The following UGT2B7 variants were observed in gnomAD, a reference collection of about 807,000 sequenced individuals.
The protein encoded by UGT2B7 is UDP-glucuronosyltransferase 2B7.
UGT2B7 carries 51 observed loss-of-function variants against 51.9 expected under a neutral mutation model. The ratio of observed to expected loss-of-function variants is 0.98; its 90% CI spans 0.78 to 1.24. UGT2B7 has a LOEUF of 1.24. Ranked by LOEUF, UGT2B7 falls within the 50% of genes most tolerant of loss-of-function variation. The pLI, the probability that UGT2B7 is intolerant of heterozygous loss-of-function variation, is 0.00. For synonymous variants in UGT2B7, 225 were observed against 211.6 expected (o/e 1.06, Z -0.55); for missense variants, 727 against 628.4 (o/e 1.16, Z -1.68).
upstream of UGT2B7, among the ~76,000 whole-genome samples, chr4:69,092,597 G>T (rs1282991248): frequency 6.6e-6 from 1 of 151,782 alleles, no homozygotes; most frequent in Non-Finnish European, 1.5e-5. Context: ...AATATAAAAA[G>T]TAAAATATAA....
intron 1 of UGT2B7, among the ~76,000 whole-genome samples, chr4:69,083,446 G>A (rs951307947): frequency 5.3e-5 from 8 of 151,908 alleles, no homozygotes; most frequent in African/African-American, 1.7e-4. Context: ...ATTCATAGGA[G>A]CAGGTCAACG....
chr4:69,096,561 T>G lies in UGT2B7; in HGVS notation c.41T>G (p.Leu14Arg). The change falls in exon 1 of 6, where the codon CTG becomes CGG. Residue 14 changes from leucine (L) to arginine (R), a missense_variant. By Grantham distance (102) the Leu-to-Arg change is moderately radical. Coordinates refer to ENST00000305231, the MANE Select transcript of UGT2B7 (RefSeq NM_001074.4). ...ACTTCAGTAATTTTGCTAATACAAC[T>G]GAGCTTTTGCTTTAGCTCTGGGAAT... ...KWTSVILLIQ[L>R]SFCFSSGNCG... The G allele has an allele frequency of 5.0e-6, 8 of 1,613,978 alleles. No individual in the cohort carries two copies. The highest frequency in any genetic ancestry group is 6.8e-6 in the Non-Finnish European group (8 of 1,179,876).
chr4:69,054,371 G>A (rs1376359625), intron 1 of UGT2B7, among the ~76,000 whole-genome samples: 2 of 152,128 alleles, frequency 1.3e-5, no homozygotes, highest in African/African-American at 4.8e-5. Flanking sequence ...ACCACAAGAA[G>A]CAGATAAGCT....
intron 1 of UGT2B7, among the ~76,000 whole-genome samples, chr4:69,059,298 T>A (rs1718287604): frequency 6.6e-6 from 1 of 152,172 alleles, no homozygotes; most frequent in Admixed American, 6.5e-5. Context: ...AAGAGGCCCA[T>A]CGGTTGGTCA....
At position 69,087,047 on chromosome 4, in the gene UGT2B7, G is replaced by A. The variant is rs142695452; in HGVS notation, c.-158-2425G>A. Among the ~76,000 whole-genome samples the A allele has an allele frequency of 1.5e-3, 213 of 142,628 alleles. 2 individuals are homozygous for A. The highest frequency in any genetic ancestry group is 5.1e-3 in the African/African-American group (197 of 38,718). 93.6% of individuals were successfully genotyped at this position (142,628 alleles called of 152,430 possible). A position where few individuals can be genotyped will look rare whatever the true frequency, so the allele number is the denominator to read the frequency against. On this transcript the variant is annotated intron_variant, in intron 1 of 5. Coordinates refer to the UGT2B7 transcript ENST00000502942. ...AGTTTCTGTATATCCTTTCTCTCTC[G>A]CTCTGTCTCTCTTTCTCTCTCTCTC...
At chr4:69,067,654 G>A (rs62296919) in intron 1 of UGT2B7, 28,399 of 153,630 alleles carry the variant, frequency 0.18, 2,962 homozygotes, top group Admixed American at 0.3. Flanking sequence ...CATAGCATGT[G>A]TTCATACTTT....
chr4:69,090,637 C>T (rs997044476), intron 2 of UGT2B7, among the ~76,000 whole-genome samples: 1 of 152,098 alleles, frequency 6.6e-6, no homozygotes, highest in Non-Finnish European at 1.5e-5. Flanking sequence ...TTACCTCCAT[C>T]AAGTCCCTCC....
upstream of UGT2B7, among the ~76,000 whole-genome samples, chr4:69,093,596 C>G (rs1719138357): frequency 6.6e-6 from 1 of 152,344 alleles, no homozygotes; most frequent in South Asian, 2.1e-4. Flanking sequence ...CATCACGTCT[C>G]TACACGTGCC....
At chr4:69,100,753 G>T (rs529264383) in intron 2 of UGT2B7, among the ~76,000 whole-genome samples, 1 of 152,176 alleles carries the variant, frequency 6.6e-6, no homozygotes, top group African/African-American at 2.4e-5. Flanking sequence ...CTTGCAGAAA[G>T]ATTTGAATGC....
intron 2 of UGT2B7, among the ~76,000 whole-genome samples, chr4:69,099,567 A>G (rs528830048): frequency 6.6e-6 from 1 of 152,168 alleles, no homozygotes; most frequent in South Asian, 2.1e-4. Flanking sequence ...CAGGTAGCAG[A>G]TGATGGAAAA....
chr4:69,055,534 C>A (rs1472059404), intron 1 of UGT2B7, among the ~76,000 whole-genome samples: 1 of 152,128 alleles, frequency 6.6e-6, no homozygotes, highest in African/African-American at 2.4e-5. Context: ...GAACACTATC[C>A]AGAACCAGTA....
intron 2 of UGT2B7, among the ~76,000 whole-genome samples, chr4:69,101,423 C>A (rs1165678056): frequency 6.6e-6 from 1 of 151,802 alleles, no homozygotes. Context: ...GAAGAAGAAA[C>A]AACCAGTCCA....
chr4:69,111,730 A>T (rs939346537), intron 5 of UGT2B7, among the ~76,000 whole-genome samples: 3 of 152,202 alleles, frequency 2.0e-5, no homozygotes, highest in African/African-American at 7.2e-5. Context: ...AAAACAAATT[A>T]AAAATGCCTT....
At chr4:69,079,765 C>T (rs1173861713) in intron 1 of UGT2B7, among the ~76,000 whole-genome samples, 1 of 151,958 alleles carries the variant, frequency 6.6e-6, no homozygotes, top group African/African-American at 2.4e-5. Flanking sequence ...CTCACATAAG[C>T]AAAATTTACT....
intron 4 of UGT2B7, 43 bp downstream of exon 4, chr4:69,107,305 AC>A: frequency 6.5e-7 from 1 of 1,541,770 alleles, no homozygotes; most frequent in Non-Finnish European, 8.8e-7. Flanking sequence ...TAGTAACAGC[AC>A]ATTAGAGTGT....
chr4:69,108,676 C>A (rs1420381982), intron 5 of UGT2B7, among the ~76,000 whole-genome samples: 3 of 151,874 alleles, frequency 2.0e-5, no homozygotes, highest in African/African-American at 7.3e-5. Flanking sequence ...ATCTAAAACA[C>A]CTCAGAGTAT....
chr4:69,051,792 T>C (rs974009041), intron 1 of UGT2B7, among the ~76,000 whole-genome samples: 2 of 152,244 alleles, frequency 1.3e-5, no homozygotes, highest in African/African-American at 4.8e-5. Context: ...TGTGCCCTTA[T>C]TGGCACCTTT....
At chr4:69,062,425 C>T (rs1291794865) in intron 1 of UGT2B7, among the ~76,000 whole-genome samples, 1 of 152,152 alleles carries the variant, frequency 6.6e-6, no homozygotes, top group Non-Finnish European at 1.5e-5. Flanking sequence ...GTCTGGCAGA[C>T]CCAGTACACC....
chr4:69,065,245 G>A (rs1247895819), intron 1 of UGT2B7, among the ~76,000 whole-genome samples: 1 of 152,132 alleles, frequency 6.6e-6, no homozygotes, highest in African/African-American at 2.4e-5. Flanking sequence ...CCCACCCTCA[G>A]TCTAGGTACC....
Sources: allele counts gnomAD v4.1 joint callset (sites outside exome capture counted in the v4.1 genomes callset), GRCh38; gene constraint gnomAD v4.1.1; transcripts MANE v1.5; gene names NCBI Gene and HGNC (gene_info 2026-07-23, HGNC 2026-07-21).